Variants in MBOAT2 observed in about 807,000 individuals in gnomAD.
MBOAT2 encodes the protein membrane-bound glycerophospholipid O-acyltransferase 2.
MBOAT2 carries 28 observed loss-of-function variants against 63.4 expected under a neutral mutation model. The ratio of observed to expected loss-of-function variants is 0.44; its 90% CI spans 0.33 to 0.61. The LOEUF (loss-of-function observed/expected upper bound fraction) is 0.61, where lower values mean the gene tolerates loss of function less well. MBOAT2 is among the 20% of genes least tolerant of loss of function. The pLI is 0.03. For missense variants in MBOAT2, 470 were observed against 605.8 expected, an observed-to-expected ratio of 0.78 and a Z score of 2.35; for synonymous variants, 211 against 215.6, an observed-to-expected ratio of 0.98 and a Z score of 0.19.
At chr2:8,985,443 T>A (rs1671502733) in intron 1 of MBOAT2, among the ~76,000 whole-genome samples, 1 of 152,154 alleles carries the variant, frequency 6.6e-6, no homozygotes, top group Admixed American at 6.5e-5. Flanking sequence ...CAGACTCACA[T>A]CTTCAATGGT....
intron 1 of MBOAT2, 89 bp from the exon 2 acceptor site, chr2:8,958,731 C>T (rs987340535): frequency 8.0e-7 from 1 of 1,253,740 alleles, no homozygotes; most frequent in Non-Finnish European, 1.1e-6. Context: ...ACAAAAACAC[C>T]AAGGTTACAC....
chr2:8,952,225 G>C (rs1335961130), intron 2 of MBOAT2, among the ~76,000 whole-genome samples: 1 of 152,170 alleles, frequency 6.6e-6, no homozygotes, highest in Non-Finnish European at 1.5e-5. Context: ...TAATTGTGTG[G>C]TTTTGAGAGA....
chr2:8,885,046 T>C (rs937702063), intron 5 of MBOAT2, among the ~76,000 whole-genome samples: 1 of 152,248 alleles, frequency 6.6e-6, no homozygotes, highest in African/African-American at 2.4e-5. Context: ...GTCTAACAGC[T>C]GATACGGGTA....
intron 4 of MBOAT2, among the ~76,000 whole-genome samples, chr2:8,891,428 T>A (rs1663991945): frequency 6.6e-6 from 1 of 152,104 alleles, no homozygotes; most frequent in Non-Finnish European, 1.5e-5. Flanking sequence ...AAAGGGCATA[T>A]CTCACCCTTC....
chr2:8,959,492 TGCTCTGTGGCCCAG>T lies in MBOAT2; in HGVS notation c.76-864_76-851del, dbSNP rs539963095. Reference sequence around the variant, plus strand: ...TTTTTTTTTTTTTAAGACAGGGTCTTGCTCTGTGGCCCAGGCTGGACTGCAGTGGTGAAATCACA... The same window carrying T: ...TTTTTTTTTTTTTAAGACAGGGTCTTGCTGGACTGCAGTGGTGAAATCACA... On this transcript the variant is annotated intron_variant, in intron 1 of 12. Transcript: ENST00000305997. Among the ~76,000 whole-genome samples the T allele has an allele frequency of 7.8e-4, 118 of 151,702 alleles. No homozygotes were observed. The South Asian group carries it at 0.014, about 18-fold the overall frequency.
At chr2:8,989,523 T>C (rs115302091) in intron 1 of MBOAT2, among the ~76,000 whole-genome samples, 295 of 152,218 alleles carry the variant, frequency 1.9e-3, no homozygotes, top group African/African-American at 6.6e-3. Context: ...AGCTGTATCA[T>C]CCCAGGAGAG....
chr2:8,953,755 G>T (rs1427696411), intron 2 of MBOAT2, among the ~76,000 whole-genome samples: 1 of 152,210 alleles, frequency 6.6e-6, no homozygotes, highest in Non-Finnish European at 1.5e-5. Context: ...AATTCCTTGA[G>T]TGAGTTTTTC....
At chr2:8,867,280 G>T (rs1037361973) in intron 9 of MBOAT2, among the ~76,000 whole-genome samples, 1 of 152,188 alleles carries the variant, frequency 6.6e-6, no homozygotes, top group African/African-American at 2.4e-5. Context: ...GCCTACCAAA[G>T]TGCTGGGATT....
intron 1 of MBOAT2, among the ~76,000 whole-genome samples, chr2:8,993,246 A>G (rs1209323018): frequency 2.0e-5 from 3 of 152,224 alleles, no homozygotes; most frequent in Non-Finnish European, 2.9e-5. Context: ...AAATTCTTCA[A>G]TGCTTTGCAT....
rs150968553 is a variant in MBOAT2, at chr2:8,912,672, C to T, written c.300-3956G>A. Among the ~76,000 whole-genome samples, 1,279 of 152,248 alleles carry T rather than the reference C, an allele frequency of 8.4e-3. 16 individuals are homozygous for T. Among genetic ancestry groups the T allele is most frequent in the African/African-American group, 0.029 (1,213 of 41,538 alleles). Reference sequence around the variant, plus strand: ...GACCGCTACAAGGAAAACTACAAAACACTGCTGAAGGAAATCATAGACGAC... The same window carrying T: ...GACCGCTACAAGGAAAACTACAAAATACTGCTGAAGGAAATCATAGACGAC... On this transcript the variant is annotated intron_variant, in intron 3 of 12. Coordinates refer to ENST00000305997, the MANE Select transcript of MBOAT2 (RefSeq NM_138799.4).
intron 1 of MBOAT2, among the ~76,000 whole-genome samples, chr2:8,975,768 A>C (rs1490939785): frequency 1.4e-5 from 2 of 147,538 alleles, no homozygotes; most frequent in Non-Finnish European, 1.5e-5. Context: ...CTTACAGGCC[A>C]GTAAAAGAGG....
At chr2:8,916,759 C>G (rs555006453) in intron 3 of MBOAT2, among the ~76,000 whole-genome samples, 2 of 152,328 alleles carry the variant, frequency 1.3e-5, no homozygotes, top group East Asian at 3.9e-4. Flanking sequence ...AAAAGGCTTG[C>G]ACATTTGAAT....
At chr2:8,901,134 C>G (rs1014589980) in intron 4 of MBOAT2, among the ~76,000 whole-genome samples, 1 of 151,358 alleles carries the variant, frequency 6.6e-6, no homozygotes, top group Non-Finnish European at 1.5e-5. Context: ...TAGAAACAAC[C>G]CCTGCCCAAG....
At chr2:8,946,004 T>C (rs772417897) in intron 2 of MBOAT2, among the ~76,000 whole-genome samples, 5 of 152,174 alleles carry the variant, frequency 3.3e-5, no homozygotes, top group Non-Finnish European at 5.9e-5. Context: ...CAATAATAAA[T>C]AGATTACTTC....
chr2:8,860,785 C>T, intron 11 of MBOAT2, 21 bp from the exon 12 acceptor site: 1 of 1,533,742 alleles, frequency 6.5e-7, no homozygotes, highest in East Asian at 2.3e-5. Flanking sequence ...GAAACAAAAA[C>T]ATTTGCTGTA....
chr2:8,926,384 T>C (rs1179103012), intron 3 of MBOAT2, among the ~76,000 whole-genome samples: 1 of 152,146 alleles, frequency 6.6e-6, no homozygotes, highest in Non-Finnish European at 1.5e-5. Context: ...AGTACGACTC[T>C]AGGTAGAAAA....
intron 1 of MBOAT2, among the ~76,000 whole-genome samples, chr2:8,963,545 C>G (rs1321133031): frequency 1.3e-5 from 2 of 152,078 alleles, no homozygotes; most frequent in African/African-American, 4.8e-5. Context: ...TCAAGTGATC[C>G]ACCCGCCTTG....
intron 2 of MBOAT2, among the ~76,000 whole-genome samples, chr2:8,952,180 G>A (rs1057115828): frequency 7.9e-5 from 12 of 152,144 alleles, no homozygotes; most frequent in Non-Finnish European, 1.3e-4. Flanking sequence ...TTGTTTATCC[G>A]AAGCAATTCA....
At chr2:8,887,907 A>G in intron 5 of MBOAT2, 111 bp downstream of exon 5, 2 of 953,384 alleles carry the variant, frequency 2.1e-6, no homozygotes, top group South Asian at 2.7e-5. Flanking sequence ...TCCCTATCTT[A>G]CCTCCCTCCA....
Sources: gnomAD v4.1 joint callset for allele counts (sites outside exome capture counted in the v4.1 genomes callset) on GRCh38, gnomAD v4.1.1 for gene constraint, MANE v1.5 for transcripts, NCBI Gene and HGNC (gene_info 2026-07-23, HGNC 2026-07-21) for gene names.